ZSCAN22: variants seen among roughly 807,000 people sequenced by gnomAD.
ZSCAN22 encodes the protein zinc finger and SCAN domain-containing protein 22.
A neutral mutation model predicts 12.4 loss-of-function variants in ZSCAN22; 7 were observed. The ratio of observed to expected loss-of-function variants is 0.57; its 90% confidence interval spans 0.32 to 1.06. ZSCAN22 has a LOEUF of 1.06. Among genes scored for constraint, ZSCAN22 ranks in the 50% least tolerant of loss-of-function variants. ZSCAN22 has a pLI of 0.04. For synonymous variants in ZSCAN22, 243 were observed against 255.9 expected (o/e 0.95, Z 0.48); for missense variants, 576 against 631.7 (o/e 0.91, Z 0.94).
rs2051780301 is a variant in ZSCAN22 at position 58,335,115 on chromosome 19, A to G, written c.313A>G (p.Ile105Val). The change falls in exon 2 of 3, where the codon ATC becomes GTC. Residue 105 changes from isoleucine to valine, a missense_variant. Ile to Val is a conservative substitution (Grantham distance 29). Coordinates refer to ENST00000329665, the MANE Select transcript of ZSCAN22 (RefSeq NM_181846.3). This position sits in a 1 kb window ranked among gnomAD's most constrained non-coding sequence, Gnocchi z 4.1. Reference sequence around the variant, plus strand: ...GTTCCTGGGTGCGCTGCCCCCAGAGATCCAAGCCTGGGTGGGAGCCCAGAG... The same window carrying G: ...GTTCCTGGGTGCGCTGCCCCCAGAGGTCCAAGCCTGGGTGGGAGCCCAGAG... ...EQFLGALPPE[I>V]QAWVGAQSPK... The G allele has an allele frequency of 6.2e-7, 1 of 1,613,926 alleles. No individual in the cohort carries two copies. The highest frequency in any genetic ancestry group is 1.3e-5 in the African/African-American group (1 of 74,906).
chr19:58,332,035 G>A (rs1001695362), intron 1 of ZSCAN22, among the ~76,000 whole-genome samples: 24 of 151,554 alleles, frequency 1.6e-4, no homozygotes, highest in Admixed American at 9.9e-4. Flanking sequence ...CACCACGCCC[G>A]GCTGATTTTG....
rs762165094 is a variant in ZSCAN22 at position 58,334,967 on chromosome 19, C to T, written c.165C>T (p.Phe55=). ...CTGCACGCCTGCGCTTCCGGCACTT[C>T]CGCTATGAGGAGGCATCTGGTCCAC... ...SEAARLRFRH[F]RYEEASGPHE... is the part of the protein sequence containing the mutation. The change falls in exon 2 of 3, where the codon TTC becomes TTT. Residue 55 remains phenylalanine (F), a synonymous_variant. Transcript: ENST00000329665. 20 of 1,614,136 alleles carry T rather than the reference C, an allele frequency of 1.2e-5. No homozygotes were observed. Among genetic ancestry groups the T allele is most frequent in the Non-Finnish European group, 1.7e-5 (20 of 1,180,032 alleles).
chr19:58,327,791 G>A (rs2051672212), intron 1 of ZSCAN22, among the ~76,000 whole-genome samples: 1 of 152,166 alleles, frequency 6.6e-6, no homozygotes, highest in Non-Finnish European at 1.5e-5. Flanking sequence ...TCCTTGAGAT[G>A]GTGACTAAGA....
At chr19:58,337,956 G>A (rs1044582555) in intron 2 of ZSCAN22, among the ~76,000 whole-genome samples, 1 of 152,262 alleles carries the variant, frequency 6.6e-6, no homozygotes. Context: ...CTCCAGATCA[G>A]TTCCACATCA....
rs1450231387 is a variant in ZSCAN22, at chr19:58,342,139, T to C, written c.*2813T>C. ...AAAAAGGGAATCTACTCAGAGCCTG[T>C]GTGTGCTGCCCAGTCTACCAAATAA... On this transcript the variant is annotated 3_prime_UTR_variant, in exon 3 of 3. Coordinates refer to ENST00000329665, the MANE Select transcript of ZSCAN22 (RefSeq NM_181846.3). 2.0e-5 allele frequency: 3 copies of C among 152,254 alleles called. No homozygotes were observed. Among genetic ancestry groups the C allele is most frequent in the Admixed American group, 1.3e-4 (2 of 15,280 alleles). 9.4% of individuals were successfully genotyped at this position (152,254 alleles called of 1,614,324 possible).
At chr19:58,331,539 ATTAT>A (rs1295999515) in intron 1 of ZSCAN22, among the ~76,000 whole-genome samples, 2 of 127,862 alleles carry the variant, frequency 1.6e-5, no homozygotes, top group African/African-American at 5.5e-5. Context: ...TATTATTATT[ATTAT>A]TATTATTATT....
In ZSCAN22 at chr19:58,329,602, A is replaced by T. The variant is rs2051698817; in HGVS notation, c.-52+2488A>T. ...AAAAGTAATACAGTAGTCACCCCTC[A>T]TCTTCAGTTTTGGTGAATATAGTAC... On this transcript the variant is annotated intron_variant, in intron 1 of 2. Coordinates refer to ENST00000329665, the MANE Select transcript of ZSCAN22 (RefSeq NM_181846.3). This position sits in a 1 kb window ranked among gnomAD's most constrained non-coding sequence, Gnocchi z 4.1. Among the ~76,000 whole-genome samples the T allele has an allele frequency of 6.6e-6, 1 of 152,238 alleles. No individual in the cohort carries two copies. Among genetic ancestry groups the T allele is most frequent in the Non-Finnish European group, 1.5e-5 (1 of 68,050 alleles).
chr19:58,330,084 C>G lies in ZSCAN22; in HGVS notation c.-52+2970C>G, dbSNP rs770508563. Among the ~76,000 whole-genome samples the G allele has an allele frequency of 3.0e-4, 45 of 152,068 alleles. 2 individuals carry two copies. Among genetic ancestry groups the G allele is most frequent in the Non-Finnish European group, 8.8e-5 (6 of 68,012 alleles). On this transcript the variant is annotated intron_variant, in intron 1 of 2. Coordinates refer to ENST00000329665, the MANE Select transcript of ZSCAN22 (RefSeq NM_181846.3). ...TGGGCGGAACATGAGGTCAGGAGAT[C>G]GAGACCATCGTGGCTAATACGGTGA...
intron 1 of ZSCAN22, among the ~76,000 whole-genome samples, chr19:58,328,532 C>T (rs148477707): frequency 6.6e-6 from 1 of 152,246 alleles, no homozygotes; most frequent in African/African-American, 2.4e-5. Flanking sequence ...TCATAGCAAC[C>T]CTCTGAGGTA....
Position 58,339,514 on chromosome 19 carries a change from A to G in ZSCAN22, c.*188A>G, listed in dbSNP as rs888178979. ...CATTTGAGGAACCCTGATGAGCACA[A>G]GGTGATTCAGGCCAGCTGGAGAAGC... is the stretch of plus-strand genomic sequence containing the variant. On this transcript the variant is annotated 3_prime_UTR_variant, in exon 3 of 3. Transcript: ENST00000329665. The surrounding 1 kb of genome is among the most constrained non-coding windows in gnomAD (Gnocchi z 5.6). 4 of 587,808 alleles carry G rather than the reference A, an allele frequency of 6.8e-6. No homozygotes were observed. Among genetic ancestry groups the G allele is most frequent in the Non-Finnish European group, 1.2e-5 (4 of 337,342 alleles). 36.4% of individuals were successfully genotyped at this position (587,808 alleles called of 1,614,324 possible). A position where few individuals can be genotyped will look rare whatever the true frequency, so the allele number is the denominator to read the frequency against.
intron 1 of ZSCAN22, among the ~76,000 whole-genome samples, chr19:58,334,159 A>C (rs1006209244): frequency 8.5e-5 from 13 of 152,226 alleles, no homozygotes; most frequent in African/African-American, 3.1e-4. Context: ...CGCCTTAAAC[A>C]GGCTGGCTGT....
chr19:58,331,521 A>G (rs763864283), intron 1 of ZSCAN22, among the ~76,000 whole-genome samples: 1,322 of 78,140 alleles, frequency 0.017, 15 homozygotes, highest in African/African-American at 0.08. Context: ...AGCTGACGTT[A>G]TTATTATTAT....
Position 58,339,352 on chromosome 19 carries a change from C to A in ZSCAN22, c.*26C>A, listed in dbSNP as rs185676131. Reference sequence around the variant, plus strand: ...CCGGAAGTCGCCCCTGGGGGCGTAGCACAGCGTCTTCTCGGAGGCTCGAGG... The same window carrying A: ...CCGGAAGTCGCCCCTGGGGGCGTAGAACAGCGTCTTCTCGGAGGCTCGAGG... On this transcript the variant is annotated 3_prime_UTR_variant, in exon 3 of 3. Coordinates refer to ENST00000329665, the MANE Select transcript of ZSCAN22 (RefSeq NM_181846.3). The surrounding 1 kb of genome is among the most constrained non-coding windows in gnomAD (Gnocchi z 5.6). 1.4e-5 allele frequency: 21 copies of A among 1,553,308 alleles called. No homozygotes were observed. The Admixed American group carries it at 2.9e-4, about 21-fold the overall frequency.
intron 1 of ZSCAN22, among the ~76,000 whole-genome samples, chr19:58,331,435 T>C (rs2051722842): frequency 6.6e-6 from 1 of 151,400 alleles, no homozygotes; most frequent in African/African-American, 2.4e-5. Flanking sequence ...CAGGCTGGTC[T>C]TGAATTCCTG....
chr19:58,339,048 C>G lies in ZSCAN22; in HGVS notation c.1198C>G (p.Arg400Gly). 1 of 1,614,172 alleles carries G rather than the reference C, an allele frequency of 6.2e-7. No individual in the cohort carries two copies. Residue 400 changes from arginine to glycine, a missense_variant, in exon 3 of 3, where the codon CGC (arginine) becomes GGC (glycine). Transcript: ENST00000329665. The surrounding 1 kb of genome is among the most constrained non-coding windows in gnomAD (Gnocchi z 5.6). Reference sequence around the variant, plus strand: ...GAGCACGCACCTGACTCAACACCAGCGCATCCACACCGGGGAGAAGCCCTA... The same window carrying G: ...GAGCACGCACCTGACTCAACACCAGGGCATCCACACCGGGGAGAAGCCCTA... ...SQSTHLTQHQ[R>G]IHTGEKPYKC...
intron 1 of ZSCAN22, among the ~76,000 whole-genome samples, chr19:58,333,799 C>T (rs2051754769): frequency 6.6e-6 from 1 of 152,166 alleles, no homozygotes; most frequent in Non-Finnish European, 1.5e-5. Flanking sequence ...GCCGAGATAG[C>T]GTCACTGCCC....
chr19:58,338,154 G>C lies in ZSCAN22; in HGVS notation c.404-100G>C. 1 of 1,103,402 alleles carries C rather than the reference G, an allele frequency of 9.1e-7. No homozygotes were observed. Among genetic ancestry groups the C allele is most frequent in the Middle Eastern group, 3.1e-4 (1 of 3,180 alleles). The allele number at this position is 1,103,402 out of a possible 1,614,324, so 68.4% of individuals were successfully genotyped here. ...GGAACTGGGGCCAGATGTTAGGAACGGGCCACATCTCCCCTTACAAAGTGT... is the reference window on the plus strand; with the variant it reads ...GGAACTGGGGCCAGATGTTAGGAACCGGCCACATCTCCCCTTACAAAGTGT... On this transcript the variant is annotated intron_variant, in intron 2 of 2. Coordinates refer to ENST00000329665, the MANE Select transcript of ZSCAN22 (RefSeq NM_181846.3). The surrounding 1 kb of genome is among the most constrained non-coding windows in gnomAD (Gnocchi z 5.4).
In ZSCAN22 at chr19:58,335,010, C is replaced by T; in HGVS notation, c.208C>T (p.Leu70Phe). The change falls in exon 2 of 3, where the codon CTC becomes TTC. Residue 70 changes from leucine to phenylalanine, a missense_variant. By Grantham distance (22) the Leu-to-Phe change is conservative. Coordinates refer to ENST00000329665, the MANE Select transcript of ZSCAN22 (RefSeq NM_181846.3). This position sits in a 1 kb window ranked among gnomAD's most constrained non-coding sequence, Gnocchi z 4.1. ...TGGTCCACACGAGGCCCTGGCCCACCTCCGAGCGCTGTGCTGTCAGTGGCT... is the reference window on the plus strand; with the variant it reads ...TGGTCCACACGAGGCCCTGGCCCACTTCCGAGCGCTGTGCTGTCAGTGGCT... Reference protein sequence around the residue: ...ASGPHEALAHLRALCCQWLQP... With the variant: ...ASGPHEALAHFRALCCQWLQP... The T allele has an allele frequency of 1.2e-6, 2 of 1,614,142 alleles. No homozygotes were observed. The highest frequency in any genetic ancestry group is 1.7e-6 in the Non-Finnish European group (2 of 1,180,046).
intron 1 of ZSCAN22, among the ~76,000 whole-genome samples, chr19:58,333,449 C>T (rs929886227): frequency 6.6e-6 from 1 of 152,188 alleles, no homozygotes; most frequent in Non-Finnish European, 1.5e-5. Flanking sequence ...TCCATTGTAG[C>T]ATGTTTTCTG....
Sources: allele counts gnomAD v4.1 joint callset (sites outside exome capture counted in the v4.1 genomes callset), GRCh38; gene constraint gnomAD v4.1.1; non-coding constraint Gnocchi (gnomAD v3.1); transcripts MANE v1.5; gene names NCBI Gene and HGNC (gene_info 2026-07-23, HGNC 2026-07-21).